Variants in LNPEP observed in about 807,000 individuals in gnomAD.
The protein encoded by LNPEP is leucyl and cystinyl aminopeptidase.
LNPEP carries 64 observed loss-of-function variants against 120.6 expected under a neutral mutation model. That is an observed-to-expected ratio of 0.53 (90% CI 0.43 to 0.65). The LOEUF (loss-of-function observed/expected upper bound fraction) is 0.65. Ranked by LOEUF, LNPEP falls within the 30% of genes least tolerant of loss-of-function variation. The pLI is 0.00. For synonymous variants in LNPEP, 435 were observed against 425.4 expected (o/e 1.02, Z -0.28); for missense variants, 1,057 against 1,200.0 (o/e 0.88, Z 1.76).
intron 1 of LNPEP, among the ~76,000 whole-genome samples, chr5:96,945,207 G>A (rs1424860731): frequency 6.6e-6 from 1 of 151,614 alleles, no homozygotes; most frequent in Non-Finnish European, 1.5e-5. Context: ...GACCAGCCTG[G>A]GCAACATAGT....
At chr5:97,007,228 C>T (rs895810297) in intron 11 of LNPEP, among the ~76,000 whole-genome samples, 3 of 152,050 alleles carry the variant, frequency 2.0e-5, no homozygotes, top group Non-Finnish European at 2.9e-5. Context: ...GAAAATTTCT[C>T]GTTTGAATTT....
At chr5:97,004,511 CAAAA>C (rs200476030) in intron 9 of LNPEP, among the ~76,000 whole-genome samples, 43 of 71,650 alleles carry the variant, frequency 6.0e-4, no homozygotes, top group African/African-American at 2.0e-3. Context: ...GACTCTGTCT[CAAAA>C]AAAAAAAAAA....
At chr5:97,000,127 G>A (rs778379441) in intron 8 of LNPEP, among the ~76,000 whole-genome samples, 1 of 152,058 alleles carries the variant, frequency 6.6e-6, no homozygotes, top group African/African-American at 2.4e-5. Context: ...TGAATAAGTA[G>A]GTATTGTGTT....
intron 11 of LNPEP, among the ~76,000 whole-genome samples, chr5:97,008,710 G>GC (rs1582024437): frequency 3.8e-5 from 5 of 130,902 alleles, no homozygotes; most frequent in East Asian, 2.3e-4. Context: ...TGTTGCCCAG[G>GC]TGAGAGTGCA....
intron 11 of LNPEP, chr5:97,011,003 T>A: frequency 1.0e-6 from 1 of 985,412 alleles, no homozygotes; most frequent in Non-Finnish European, 1.2e-6. Flanking sequence ...ACAGTAATAA[T>A]TTCAAGTATA....
At position 96,979,757 on chromosome 5, in the gene LNPEP, T is replaced by C; in HGVS notation, c.639T>C (p.Gly213=). Reference sequence around the variant, plus strand: ...GGAATATCATTCTTCATAGCACAGGTCATAATATTTCAAGAGTGACCTTTA... The same window carrying C: ...GGAATATCATTCTTCATAGCACAGGCCATAATATTTCAAGAGTGACCTTTA... ...VTWNIILHST[G]HNISRVTFMS... Residue 213 remains glycine, a synonymous_variant, in exon 2 of 18, where the codon GGT becomes GGC. Coordinates refer to ENST00000231368, the MANE Select transcript of LNPEP (RefSeq NM_005575.3). The C allele has an allele frequency of 1.2e-6, 2 of 1,614,006 alleles. No homozygotes were observed. Among genetic ancestry groups the C allele is most frequent in the Non-Finnish European group, 1.7e-6 (2 of 1,179,928 alleles).
rs1790083092 is a variant in LNPEP at position 96,979,854 on chromosome 5, G to A, written c.736G>A (p.Val246Ile). ...TGCATATCATGGACAGATCGCCATT[G>A]TTGCCCCCGAAGCCCTTCTAGCAGG... ...EYAYHGQIAI[V>I]APEALLAGHN... The change falls in exon 2 of 18, where the codon GTT (valine) becomes ATT (isoleucine). Residue 246 changes from valine (V) to isoleucine (I), a missense_variant. By Grantham distance (29) the Val-to-Ile change is conservative (BLOSUM62 3). Coordinates refer to ENST00000231368, the MANE Select transcript of LNPEP (RefSeq NM_005575.3). The A allele has an allele frequency of 6.2e-7, 1 of 1,613,992 alleles. No homozygotes were observed. The highest frequency in any genetic ancestry group is 2.2e-5 in the East Asian group (1 of 44,882).
chr5:97,006,356 T>A, intron 10 of LNPEP, 71 bp from the exon 11 acceptor site: 1 of 1,248,102 alleles, frequency 8.0e-7, no homozygotes, highest in Non-Finnish European at 1.1e-6. Context: ...AGGAATAGCT[T>A]AACCTTCCTA....
rs1554067378 is a variant in LNPEP, at chr5:96,971,345, T to TATTTGTG, written c.20-7793_20-7792insATTTGTG. ...CATGATGTGCTTAAGACATTATTAT[T>TATTTGTG]TGTGTGTGTGTGTGTGTGTGTGTGT... On this transcript the variant is annotated intron_variant, in intron 1 of 17. Coordinates refer to ENST00000231368, the MANE Select transcript of LNPEP (RefSeq NM_005575.3). Among the ~76,000 whole-genome samples the TATTTGTG allele has an allele frequency of 1.1e-3, 153 of 142,914 alleles. 1 individual carries two copies. The highest frequency in any genetic ancestry group is 3.8e-3 in the African/African-American group (145 of 38,442). 93.8% of individuals were successfully genotyped at this position (142,914 alleles called of 152,430 possible). A position where few individuals can be genotyped will look rare whatever the true frequency, so the allele number is the denominator to read the frequency against.
Position 96,993,122 on chromosome 5 carries a change from A to G in LNPEP, c.1239A>G (p.Pro413=), listed in dbSNP as rs1219919582. The change falls in exon 5 of 18, where the codon CCA becomes CCG. Residue 413 remains proline, a synonymous_variant. Coordinates refer to ENST00000231368, the MANE Select transcript of LNPEP (RefSeq NM_005575.3). The stretch of plus-strand genomic sequence containing the variant: ...AAAACTACTTTGAAATTCAGTACCC[A>G]CTTAAGAAATTGGGTAAGAATCAAA... ...FFQNYFEIQY[P]LKKLDLVAIP... The G allele has an allele frequency of 1.9e-6, 3 of 1,585,242 alleles. No homozygotes were observed. The highest frequency in any genetic ancestry group is 1.7e-6 in the Non-Finnish European group (2 of 1,163,444).
chr5:96,957,890 T>C (rs1189980734), intron 1 of LNPEP, among the ~76,000 whole-genome samples: 2 of 152,268 alleles, frequency 1.3e-5, no homozygotes, highest in South Asian at 2.1e-4. Context: ...TCTGCACATA[T>C]GTAGCTCAGT....
At chr5:97,024,214 C>T (rs897504495) in intron 14 of LNPEP, among the ~76,000 whole-genome samples, 25 of 152,176 alleles carry the variant, frequency 1.6e-4, no homozygotes, top group Admixed American at 6.5e-5. Context: ...CTCTATACTT[C>T]GTAGTAGCCT....
chr5:96,966,355 C>T (rs1789722221), intron 1 of LNPEP, among the ~76,000 whole-genome samples: 1 of 151,890 alleles, frequency 6.6e-6, no homozygotes, highest in Non-Finnish European at 1.5e-5. Context: ...TAAAAATTAG[C>T]TTAATATGGT....
chr5:96,944,100 A>T (rs189314932), intron 1 of LNPEP, among the ~76,000 whole-genome samples: 32 of 152,254 alleles, frequency 2.1e-4, no homozygotes, highest in Non-Finnish European at 3.7e-4. Context: ...TTCCCGGACA[A>T]CTGACTCAGG....
intron 1 of LNPEP, among the ~76,000 whole-genome samples, chr5:96,962,221 G>C (rs1368920752): frequency 6.6e-6 from 1 of 152,128 alleles, no homozygotes; most frequent in East Asian, 1.9e-4. Flanking sequence ...GACTTGATTT[G>C]ACATTCCTGG....
chr5:96,988,938 A>C (rs908747613), intron 4 of LNPEP, among the ~76,000 whole-genome samples: 1 of 152,098 alleles, frequency 6.6e-6, no homozygotes, highest in Non-Finnish European at 1.5e-5. Context: ...TAATTGCCTC[A>C]TTATGAATTC....
chr5:97,033,025 T>A lies in LNPEP; in HGVS notation c.*4492T>A, dbSNP rs2112683365. 1 of 152,356 alleles carries A rather than the reference T, an allele frequency of 6.6e-6. No homozygotes were observed. Among genetic ancestry groups the A allele is most frequent in the East Asian group, 1.9e-4 (1 of 5,192 alleles). The allele number at this position is 152,356 out of a possible 1,614,324, so 9.4% of individuals were successfully genotyped here. On this transcript the variant is annotated 3_prime_UTR_variant, in exon 18 of 18. Coordinates refer to ENST00000231368, the MANE Select transcript of LNPEP (RefSeq NM_005575.3). ...ATGACAAATCTCTTTTCCCTTTTCCTTACTGCCTATTTAGGCAATAGCTAA... is the reference window on the plus strand; with the variant it reads ...ATGACAAATCTCTTTTCCCTTTTCCATACTGCCTATTTAGGCAATAGCTAA...
At chr5:96,953,478 C>A (rs551157293) in intron 1 of LNPEP, among the ~76,000 whole-genome samples, 1 of 152,302 alleles carries the variant, frequency 6.6e-6, no homozygotes, top group Admixed American at 6.5e-5. Flanking sequence ...TACCTCTACC[C>A]TCCTTCTCCC....
At chr5:97,010,742 A>G in intron 11 of LNPEP, 1 of 985,334 alleles carries the variant, frequency 1.0e-6, no homozygotes, top group South Asian at 4.7e-5. Flanking sequence ...TGAAAATTGA[A>G]GTGTTAATCT....
Sources: allele counts gnomAD v4.1 joint callset (sites outside exome capture counted in the v4.1 genomes callset), GRCh38; gene constraint gnomAD v4.1.1; transcripts MANE v1.5; gene names NCBI Gene and HGNC (gene_info 2026-07-23, HGNC 2026-07-21).